The following ABLIM2 variants were observed in gnomAD, a reference collection of about 807,000 sequenced individuals.
ABLIM2 encodes the protein actin-binding LIM protein 2.
ABLIM2 carries 53 observed loss-of-function variants against 97.7 expected under a neutral mutation model. The observed-to-expected ratio is 0.54, with a 90% confidence interval of 0.44 to 0.68. The LOEUF is 0.68. Ranked by LOEUF, ABLIM2 falls within the 30% of genes least tolerant of loss-of-function variation. The pLI is 0.00. For synonymous variants in ABLIM2, 361 were observed against 345.8 expected (o/e 1.04, Z -0.49); for missense variants, 835 against 867.2 (o/e 0.96, Z 0.47).
chr4:8,104,581 G>A (rs528497658), intron 2 of ABLIM2, among the ~76,000 whole-genome samples: 23 of 152,262 alleles, frequency 1.5e-4, no homozygotes, highest in African/African-American at 4.8e-4. Context: ...TCTGAAGGTC[G>A]GGGCTGGGGT....
At chr4:8,143,894 T>G (rs1578504185) in intron 1 of ABLIM2, among the ~76,000 whole-genome samples, 1 of 150,178 alleles carries the variant, frequency 6.7e-6, no homozygotes, top group African/African-American at 2.4e-5. Context: ...GGCTGGGGGG[T>G]CTTCTGTGAG....
At chr4:8,025,541 G>A (rs973401065) in intron 12 of ABLIM2, among the ~76,000 whole-genome samples, 11 of 152,204 alleles carry the variant, frequency 7.2e-5, no homozygotes, top group African/African-American at 1.7e-4. Flanking sequence ...TGGCTGTCTC[G>A]GGAGCTGAGG....
rs564296340 is a variant in ABLIM2, at chr4:8,015,370, C to A, written c.1423+4248G>T. Among the ~76,000 whole-genome samples the A allele has an allele frequency of 6.6e-5, 10 of 152,204 alleles. No homozygotes were observed. The highest frequency in any genetic ancestry group is 5.9e-4 in the Admixed American group (9 of 15,292). ...CCTCTAGGGAGAGGCTGAGTTCCTACTCCCCGGCTCCCCTGGGGAGCCTCA... is the reference window on the plus strand; with the variant it reads ...CCTCTAGGGAGAGGCTGAGTTCCTAATCCCCGGCTCCCCTGGGGAGCCTCA... On this transcript the variant is annotated intron_variant, in intron 14 of 20. Coordinates refer to ENST00000447017, the MANE Select transcript of ABLIM2 (RefSeq NM_001130083.2). The surrounding 1 kb of genome is among the most constrained non-coding windows in gnomAD (Gnocchi z 4.6).
chr4:8,003,970 T>C lies in ABLIM2; in HGVS notation c.1618+4089A>G, dbSNP rs996730818. 2.0e-5 allele frequency among the ~76,000 whole-genome samples: 3 copies of C among 152,054 alleles called. No individual in the cohort carries two copies. Among genetic ancestry groups the C allele is most frequent in the Non-Finnish European group, 2.9e-5 (2 of 68,018 alleles). On this transcript the variant is annotated intron_variant, in intron 16 of 20. Coordinates refer to ENST00000447017, the MANE Select transcript of ABLIM2 (RefSeq NM_001130083.2). This position sits in a 1 kb window ranked among gnomAD's most constrained non-coding sequence, Gnocchi z 4.2. ...CGTCCCACCAGATATCCTCACGAGA[T>C]TGACAGTAGCACGTCAGGGAGGCTC...
rs563766753 is a variant in ABLIM2, at chr4:8,015,997, T to C, written c.1423+3621A>G. ...AATCAGATATGAGACGATCGTAAGC[T>C]ACTATTCCTGTCTGTAATAAGAGGT... is the stretch of plus-strand genomic sequence containing the variant. On this transcript the variant is annotated intron_variant, in intron 14 of 20. Coordinates refer to ENST00000447017, the MANE Select transcript of ABLIM2 (RefSeq NM_001130083.2). The surrounding 1 kb of genome is among the most constrained non-coding windows in gnomAD (Gnocchi z 4.6). 6.3e-4 allele frequency among the ~76,000 whole-genome samples: 96 copies of C among 152,064 alleles called. 1 individual carries two copies. Among genetic ancestry groups the C allele is most frequent in the Admixed American group, 4.3e-3 (66 of 15,264 alleles).
chr4:8,007,900 C>G (rs1762452880), intron 16 of ABLIM2, 159 bp downstream of exon 16: 1 of 1,449,444 alleles, frequency 6.9e-7, no homozygotes, highest in African/African-American at 1.4e-5. Context: ...GCAAAAGCCC[C>G]ATATTTCCTT....
At chr4:8,108,034 C>G (rs1204000153) in intron 1 of ABLIM2, among the ~76,000 whole-genome samples, 2 of 152,234 alleles carry the variant, frequency 1.3e-5, no homozygotes, top group African/African-American at 4.8e-5. Context: ...CAGCCCTTCT[C>G]ACACCTTGAT....
At position 7,966,787 on chromosome 4, in the gene ABLIM2, GAAGC is replaced by G; in HGVS notation, c.*199_*202del. The G allele has an allele frequency of 1.8e-6, 1 of 566,574 alleles. No homozygotes were observed. The highest frequency in any genetic ancestry group is 2.3e-5 in the South Asian group (1 of 42,794). 35.1% of individuals were successfully genotyped at this position (566,574 alleles called of 1,614,324 possible). A position where few individuals can be genotyped will look rare whatever the true frequency, so the allele number is the denominator to read the frequency against. On this transcript the variant is annotated 3_prime_UTR_variant, in exon 21 of 21. Transcript: ENST00000447017. ...AAGCCACAGCGGGGAAGGGTGGCGT[GAAGC>G]TAGCCGTCTCGGCCCTAAACTACCG...
chr4:8,032,963 C>T lies in ABLIM2; in HGVS notation c.1047+3186G>A, dbSNP rs1446772869. The stretch of plus-strand genomic sequence containing the variant: ...TCTACCTGGCCACCCCCACGTCCCA[C>T]TGTTCTCCCACAAAGATGTGTTTTC... On this transcript the variant is annotated intron_variant, in intron 10 of 20. Transcript: ENST00000447017. The surrounding 1 kb of genome is among the most constrained non-coding windows in gnomAD (Gnocchi z 4.3). Among the ~76,000 whole-genome samples the T allele has an allele frequency of 6.6e-6, 1 of 152,254 alleles. No individual in the cohort carries two copies. Among genetic ancestry groups the T allele is most frequent in the African/African-American group, 2.4e-5 (1 of 41,460 alleles).
At position 8,145,014 on chromosome 4, in the gene ABLIM2, T is replaced by A. The variant is rs527897178; in HGVS notation, c.10+13666A>T. 2.0e-5 allele frequency among the ~76,000 whole-genome samples: 3 copies of A among 152,186 alleles called. No individual in the cohort carries two copies. In the South Asian group the frequency reaches 6.2e-4, roughly 32 times the overall value. ...CCAGTGGGAAGCCCACCTCCCATCT[T>A]TACCAGCCGTGTGACCTGGGGCGGG... On this transcript the variant is annotated intron_variant, in intron 1 of 20. Coordinates refer to ENST00000447017, the MANE Select transcript of ABLIM2 (RefSeq NM_001130083.2).
At chr4:8,088,357 A>T in intron 3 of ABLIM2, 73 bp from the exon 4 acceptor site, 1 of 1,214,018 alleles carries the variant, frequency 8.2e-7, no homozygotes, top group Non-Finnish European at 1.2e-6. Flanking sequence ...GTCCCAGTGC[A>T]GGAGACCAGG....
chr4:8,097,406 C>T (rs1192757147), intron 2 of ABLIM2, 124 bp from the exon 3 acceptor site: 15 of 1,230,390 alleles, frequency 1.2e-5, no homozygotes, highest in Non-Finnish European at 1.6e-5. Context: ...GGCCTCGGCA[C>T]ACACTTGGGG....
At chr4:8,082,000 TGA>T (rs1452638481) in intron 4 of ABLIM2, among the ~76,000 whole-genome samples, 2 of 152,114 alleles carry the variant, frequency 1.3e-5, no homozygotes, top group East Asian at 1.9e-4. Context: ...TGTCTGCACG[TGA>T]GAGTGTGTCT....
chr4:8,009,347 C>T (rs1387111861), intron 14 of ABLIM2, among the ~76,000 whole-genome samples: 1 of 152,186 alleles, frequency 6.6e-6, no homozygotes, highest in Non-Finnish European at 1.5e-5. Context: ...AGCCAAACAC[C>T]CACACAGAGT....
In ABLIM2 at chr4:8,080,768, G is replaced by A. The variant is rs769864514; in HGVS notation, c.489C>T (p.Gly163=). ...GCTTGTCCAAGGCTACCAGGGCCTG[G>A]CCATTCTTGATTTCTGTGCCGCAGC... ...CGGCGTEIKN[G]QALVALDKHW... is the part of the protein sequence containing the mutation. The change falls in exon 5 of 21, where the codon GGC becomes GGT. Residue 163 remains glycine, a synonymous_variant. Coordinates refer to ENST00000447017, the MANE Select transcript of ABLIM2 (RefSeq NM_001130083.2). 3 of 1,611,228 alleles carry A rather than the reference G, an allele frequency of 1.9e-6. No homozygotes were observed. The East Asian group carries it at 6.7e-5, about 36-fold the overall frequency.
intron 20 of ABLIM2, among the ~76,000 whole-genome samples, chr4:7,971,097 C>G (rs1727623857): frequency 6.6e-6 from 1 of 152,258 alleles, no homozygotes; most frequent in African/African-American, 2.4e-5. Flanking sequence ...TCACACCTCA[C>G]CTGGCTGAGT....
At chr4:8,056,184 G>A (rs1421614538) in intron 7 of ABLIM2, among the ~76,000 whole-genome samples, 1 of 141,046 alleles carries the variant, frequency 7.1e-6, no homozygotes, top group Non-Finnish European at 1.5e-5. Flanking sequence ...CTTAAAAAAT[G>A]TAAATGAAAT....
In ABLIM2 at chr4:8,147,903, G is replaced by A. The variant is rs1030799035; in HGVS notation, c.10+10777C>T. On this transcript the variant is annotated intron_variant, in intron 1 of 20. Coordinates refer to ENST00000447017, the MANE Select transcript of ABLIM2 (RefSeq NM_001130083.2). The surrounding 1 kb of genome is among the most constrained non-coding windows in gnomAD (Gnocchi z 5.3). ...GTGCCATCTTCCCTGAGCGAGGCACGGACCTGCACAAAACCCTTTCTTTAA... is the reference window on the plus strand; with the variant it reads ...GTGCCATCTTCCCTGAGCGAGGCACAGACCTGCACAAAACCCTTTCTTTAA... 1.3e-5 allele frequency among the ~76,000 whole-genome samples: 2 copies of A among 152,206 alleles called. No individual in the cohort carries two copies. The highest frequency in any genetic ancestry group is 1.3e-4 in the Admixed American group (2 of 15,282).
rs1554124985 is a variant in ABLIM2 at position 8,148,603 on chromosome 4, G to GCGGTGCAGGGCCCCAGCA, written c.10+10076_10+10077insTGCTGGGGCCCTGCACCG. On this transcript the variant is annotated intron_variant, in intron 1 of 20. Transcript: ENST00000447017. This position sits in a 1 kb window ranked among gnomAD's most constrained non-coding sequence, Gnocchi z 6.7. ...AAGGATTATAGGGTGAAAGCACATC[G>GCGGTGCAGGGCCCCAGCA]CGGTGCTGGGTCCACACTGGGGAAG... Among the ~76,000 whole-genome samples, 25 of 152,184 alleles carry GCGGTGCAGGGCCCCAGCA rather than the reference G, an allele frequency of 1.6e-4. No individual in the cohort carries two copies. The highest frequency in any genetic ancestry group is 2.8e-4 in the Non-Finnish European group (19 of 67,992).
Sources: gnomAD v4.1 joint callset for allele counts (sites outside exome capture counted in the v4.1 genomes callset) on GRCh38, gnomAD v4.1.1 for gene constraint, Gnocchi (gnomAD v3.1) non-coding constraint, MANE v1.5 for transcripts, NCBI Gene and HGNC (gene_info 2026-07-23, HGNC 2026-07-21) for gene names.